The following MZB1 variants were observed in gnomAD, a reference collection of about 807,000 sequenced individuals.
The protein encoded by MZB1 is marginal zone B and B1 cell specific protein, also known as marginal zone B- and B1-cell-specific protein.
In MZB1, 10 loss-of-function variants were observed where a neutral mutation model predicts 17.2. That is an observed-to-expected ratio of 0.58 (90% CI 0.36 to 0.98). The LOEUF (loss-of-function observed/expected upper bound fraction) is 0.98. MZB1 is among the 50% of genes least tolerant of loss of function. MZB1 has a pLI of 0.01. For synonymous variants in MZB1, 99 were observed against 98.7 expected, an observed-to-expected ratio of 1.00 and a Z score of -0.02; for missense variants, 246 against 237.5, an observed-to-expected ratio of 1.04 and a Z score of -0.23.
chr5:139,389,499 G>T, intron 1 of MZB1, 181 bp downstream of exon 1: 1 of 794,586 alleles, frequency 1.3e-6, no homozygotes, highest in Non-Finnish European at 2.1e-6. Context: ...CAGATTGTCT[G>T]CTGTTAGGCA....
Position 139,389,811 on chromosome 5 carries a change from C to G in MZB1, c.46G>C (p.Ala16Pro). 6.5e-7 allele frequency: 1 copy of G among 1,550,290 alleles called. No individual in the cohort carries two copies. Among genetic ancestry groups the G allele is most frequent in the Non-Finnish European group, 8.7e-7 (1 of 1,147,064 alleles). Reference sequence around the variant, plus strand: ...CTGTCCCCGAGGCCCCCTGGGATGGCCCAGGCTCCCAGCAGCAGCAGCAGC... The same window carrying G: ...CTGTCCCCGAGGCCCCCTGGGATGGGCCAGGCTCCCAGCAGCAGCAGCAGC... ...PLLLLLLGAW[A>P]IPGGLGDRAP... Residue 16 changes from alanine (A) to proline (P), a missense_variant, in exon 1 of 4, where the codon GCC (alanine) becomes CCC (proline). Physicochemically the swap from Ala to Pro is conservative, Grantham distance 27 (BLOSUM62 -1). Coordinates refer to ENST00000302125, the MANE Select transcript of MZB1 (RefSeq NM_016459.4).
Position 139,388,043 on chromosome 5 carries a change from T to C in MZB1, c.391A>G (p.Thr131Ala). 1 of 1,556,126 alleles carries C rather than the reference T, an allele frequency of 6.4e-7. No homozygotes were observed. The highest frequency in any genetic ancestry group is 8.7e-7 in the Non-Finnish European group (1 of 1,149,568). ...GPEPSISVMV[T>A]GGPWPTRLSR... ...CACCTGGTAGGCCAGGGGCCCCCTGTGACCATCACGCTGATGCTTGGCTCT... is the reference window on the plus strand; with the variant it reads ...CACCTGGTAGGCCAGGGGCCCCCTGCGACCATCACGCTGATGCTTGGCTCT... Residue 131 changes from threonine to alanine, a missense_variant, in exon 3 of 4, where the codon ACA (threonine) becomes GCA (alanine). Coordinates refer to ENST00000302125, the MANE Select transcript of MZB1 (RefSeq NM_016459.4).
chr5:139,389,625 G>A, intron 1 of MZB1, 55 bp downstream of exon 1: 1 of 1,539,534 alleles, frequency 6.5e-7, no homozygotes, highest in Non-Finnish European at 8.8e-7. Context: ...GGGTGGAGGG[G>A]TCTGGCTTGA....
chr5:139,389,768 G>A lies in MZB1; in HGVS notation c.89C>T (p.Thr30Ile). 1 of 1,554,424 alleles carries A rather than the reference G, an allele frequency of 6.4e-7. No individual in the cohort carries two copies. The highest frequency in any genetic ancestry group is 2.4e-5 in the East Asian group (1 of 41,124). Reference protein sequence around the residue: ...GLGDRAPLTATAPQLDDEEMY... With the variant: ...GLGDRAPLTAIAPQLDDEEMY... ...CTCCTCATCATCCAGTTGTGGGGCT[G>A]TGGCTGTGAGTGGCGCCCTGTCCCC... Residue 30 changes from threonine to isoleucine, a missense_variant, in exon 1 of 4, where the codon ACA (threonine) becomes ATA (isoleucine). Physicochemically the swap from Thr to Ile is moderately conservative, Grantham distance 89 (BLOSUM62 -1). Coordinates refer to ENST00000302125, the MANE Select transcript of MZB1 (RefSeq NM_016459.4).
intron 1 of MZB1, 165 bp from the exon 2 acceptor site, chr5:139,388,750 A>C: frequency 2.5e-6 from 3 of 1,203,002 alleles, no homozygotes; most frequent in Non-Finnish European, 2.2e-6. Context: ...CCAGCCCCCA[A>C]AGCTCTCTGG....
chr5:139,388,533 C>T lies in MZB1; in HGVS notation c.230G>A (p.Gly77Glu), dbSNP rs201837944. The T allele has an allele frequency of 2.5e-4, 404 of 1,600,944 alleles. 4 individuals are homozygous for T. The African/African-American group carries it at 4.6e-3, about 18-fold the overall frequency. The change falls in exon 2 of 4, where the codon GGG becomes GAG. Residue 77 changes from glycine to glutamate, a missense_variant. Physicochemically the swap from Gly to Glu is moderately conservative, Grantham distance 98 (BLOSUM62 -2). Transcript: ENST00000302125. The part of the protein sequence containing the change: ...AETKLHTSNS[G>E]GRRELSELVY... ...CAACTCGCTCAGCTCCCGCCGCCCC[C>T]CAGAGTTTGAGGTATGAAGTTTGGT...
chr5:139,389,345 G>C, intron 1 of MZB1: 1 of 548,588 alleles, frequency 1.8e-6, no homozygotes, highest in African/African-American at 1.9e-5. Flanking sequence ...GCTCACACGT[G>C]TGCACTTGCA....
Position 139,389,795 on chromosome 5 carries a change from A to G in MZB1, c.62T>C (p.Leu21Pro). The part of the protein sequence containing the change: ...LLGAWAIPGG[L>P]GDRAPLTATA... ...GGCTGTGAGTGGCGCCCTGTCCCCG[A>G]GGCCCCCTGGGATGGCCCAGGCTCC... is the stretch of plus-strand genomic sequence containing the variant. The change falls in exon 1 of 4, where the codon CTC (leucine) becomes CCC (proline). Residue 21 changes from leucine (L) to proline (P), a missense_variant. Leu to Pro is a moderately conservative substitution (Grantham distance 98). Transcript: ENST00000302125. 6.4e-7 allele frequency: 1 copy of G among 1,551,448 alleles called. No individual in the cohort carries two copies. The highest frequency in any genetic ancestry group is 8.7e-7 in the Non-Finnish European group (1 of 1,147,338).
Position 139,387,779 on chromosome 5 carries a change from T to C in MZB1, c.556A>G (p.Arg186Gly), listed in dbSNP as rs1200167195. The change falls in exon 4 of 4, where the codon AGA becomes GGA. Residue 186 changes from arginine to glycine, a missense_variant. By Grantham distance (125) the Arg-to-Gly change is moderately radical. Transcript: ENST00000302125. Reference protein sequence around the residue: ...GACSEKVSATREEL With the variant: ...GACSEKVSATGEEL The stretch of plus-strand genomic sequence containing the variant: ...AGAGTCCAGGACTAGAGCTCTTCTC[T>C]TGTGGCTGACACCTTCTCTGAGCAG... 1 of 1,547,760 alleles carries C rather than the reference T, an allele frequency of 6.5e-7. No individual in the cohort carries two copies.
chr5:139,389,265 G>A (rs1758568213), intron 1 of MZB1: 1 of 365,616 alleles, frequency 2.7e-6, no homozygotes, highest in East Asian at 7.6e-5. Flanking sequence ...ACCTCACAGA[G>A]ACACTGGCAC....
chr5:139,388,365 A>T, intron 2 of MZB1, 96 bp downstream of exon 2: 3 of 1,343,926 alleles, frequency 2.2e-6, no homozygotes, highest in Non-Finnish European at 3.1e-6. Context: ...AGAGTCCTAG[A>T]GGAGTGTGTG....
intron 3 of MZB1, 26 bp downstream of exon 3, chr5:139,387,995 T>A (rs1236099120): frequency 1.3e-6 from 2 of 1,572,328 alleles, no homozygotes; most frequent in Middle Eastern, 3.4e-4. Flanking sequence ...AGGAGCTTCA[T>A]CCTATCCCCA....
At chr5:139,389,401 G>T (rs1046808086) in intron 1 of MZB1, 2 of 644,790 alleles carry the variant, frequency 3.1e-6, no homozygotes, top group Admixed American at 2.1e-5. Context: ...TGGGGAGGGA[G>T]TCCGGACTCA....
chr5:139,389,604 G>C (rs1758575445), intron 1 of MZB1, 76 bp downstream of exon 1: 3 of 1,488,384 alleles, frequency 2.0e-6, no homozygotes, highest in Non-Finnish European at 2.7e-6. Flanking sequence ...GCCGGTGGTG[G>C]AATGTGAGGT....
intron 1 of MZB1, 97 bp downstream of exon 1, chr5:139,389,583 G>T: frequency 1.4e-6 from 2 of 1,385,214 alleles, no homozygotes; most frequent in Non-Finnish European, 2.0e-6. Context: ...GGTAGGGATT[G>T]GGGATCAAAG....
In MZB1 at chr5:139,387,889, TC is replaced by T; in HGVS notation, c.445del (p.Glu149SerfsTer128). 1 of 1,595,786 alleles carries T rather than the reference TC, an allele frequency of 6.3e-7. No homozygotes were observed. The highest frequency in any genetic ancestry group is 1.8e-5 in the Admixed American group (1 of 55,434). On this transcript the variant is annotated frameshift_variant, in exon 4 of 4. Coordinates refer to ENST00000302125, the MANE Select transcript of MZB1 (RefSeq NM_016459.4). LOFTEE classifies it low-confidence loss of function (END_TRUNC). ...LSRTCLHYLG[E>X]FGEDQIYEAH... ...TTCATAGATCTGGTCTTCTCCAAAC[TC>T]CCCCAAGTAGTGCAAACATGTCCTG...
Position 139,388,031 on chromosome 5 carries a change from A to G in MZB1, c.403T>C (p.Trp135Arg), listed in dbSNP as rs1279534019. ...SISVMVTGGP[W>R]PTRLSRTCLH... ...AGCCCCGGGCATCACCTGGTAGGCC[A>G]GGGGCCCCCTGTGACCATCACGCTG... Residue 135 changes from tryptophan to arginine, a missense_variant, in exon 3 of 4, where the codon TGG (tryptophan) becomes CGG (arginine). Transcript: ENST00000302125. The G allele has an allele frequency of 1.9e-6, 3 of 1,558,436 alleles. No individual in the cohort carries two copies. Among genetic ancestry groups the G allele is most frequent in the Non-Finnish European group, 1.7e-6 (2 of 1,151,008 alleles).
Position 139,387,796 on chromosome 5 carries a change from T to G in MZB1, c.539A>C (p.Glu180Ala), listed in dbSNP as rs1758539259. The change falls in exon 4 of 4, where the codon GAG becomes GCG. Residue 180 changes from glutamate (E) to alanine (A), a missense_variant. Coordinates refer to ENST00000302125, the MANE Select transcript of MZB1 (RefSeq NM_016459.4). ...LCGGPQGACS[E>A]KVSATREEL ...CTCTTCTCTTGTGGCTGACACCTTCTCTGAGCAGGCCCCCTGGGGTCCCCC... is the reference window on the plus strand; with the variant it reads ...CTCTTCTCTTGTGGCTGACACCTTCGCTGAGCAGGCCCCCTGGGGTCCCCC... The G allele has an allele frequency of 6.4e-7, 1 of 1,560,968 alleles. No homozygotes were observed. The highest frequency in any genetic ancestry group is 2.2e-5 in the East Asian group (1 of 44,576).
In MZB1 at chr5:139,388,446, G is replaced by T; in HGVS notation, c.302+15C>A. On this transcript the variant is annotated intron_variant, in intron 2 of 3. Coordinates refer to ENST00000302125, the MANE Select transcript of MZB1 (RefSeq NM_016459.4). Reference sequence around the variant, plus strand: ...CCTTGGAGGAGGGAGGTGGGGGGCAGGATTGGCAACTCACTCCTGCCAGTT... The same window carrying T: ...CCTTGGAGGAGGGAGGTGGGGGGCATGATTGGCAACTCACTCCTGCCAGTT... 6.3e-7 allele frequency: 1 copy of T among 1,599,300 alleles called. No individual in the cohort carries two copies. Among genetic ancestry groups the T allele is most frequent in the East Asian group, 2.3e-5 (1 of 44,108 alleles).
Sources: allele counts gnomAD v4.1 joint callset, GRCh38; gene constraint gnomAD v4.1.1; transcripts MANE v1.5; gene names NCBI Gene and HGNC (gene_info 2026-07-23, HGNC 2026-07-21).